AGPAT4: variants seen among roughly 807,000 people sequenced by gnomAD.
The protein encoded by AGPAT4 is 1-acyl-sn-glycerol-3-phosphate acyltransferase delta.
A neutral mutation model predicts 48.0 loss-of-function variants in AGPAT4; 15 were observed. The observed-to-expected ratio is 0.31, with a 90% confidence interval of 0.21 to 0.48. The LOEUF is 0.48. AGPAT4 is among the 20% of genes least tolerant of loss of function. AGPAT4 has a pLI of 0.99. For synonymous variants in AGPAT4, 178 were observed against 198.7 expected, an observed-to-expected ratio of 0.90 and a Z score of 0.88; for missense variants, 314 against 482.5, an observed-to-expected ratio of 0.65 and a Z score of 3.27.
At chr6:161,248,149 G>A (rs1435756876) in intron 1 of AGPAT4, among the ~76,000 whole-genome samples, 1 of 152,036 alleles carries the variant, frequency 6.6e-6, no homozygotes, top group Non-Finnish European at 1.5e-5. Context: ...TCCTCAAGCT[G>A]ATAAACAACT....
chr6:161,148,141 G>T lies in AGPAT4; in HGVS notation c.767+1046C>A, dbSNP rs976882638. ...GCTCCTGCCAGCTGTCAGAGAACAT[G>T]GGGAATAAAACCTCACTTTACTCCT... On this transcript the variant is annotated intron_variant, in intron 6 of 8. Coordinates refer to ENST00000320285, the MANE Select transcript of AGPAT4 (RefSeq NM_020133.3). This position sits in a 1 kb window ranked among gnomAD's most constrained non-coding sequence, Gnocchi z 5.5. 6.6e-6 allele frequency among the ~76,000 whole-genome samples: 1 copy of T among 152,152 alleles called. No individual in the cohort carries two copies. The highest frequency in any genetic ancestry group is 2.4e-5 in the African/African-American group (1 of 41,418).
At position 161,130,701 on chromosome 6, in the gene AGPAT4, G is replaced by A; in HGVS notation, c.*5839C>T. 1 of 354,266 alleles carries A rather than the reference G, an allele frequency of 2.8e-6. No individual in the cohort carries two copies. Among genetic ancestry groups the A allele is most frequent in the African/African-American group, 2.1e-5 (1 of 48,170 alleles). The allele number at this position is 354,266 out of a possible 1,614,324, so 21.9% of individuals were successfully genotyped here. ...TGTTGACTGTGGGCGGCCTGGGCCA[G>A]CCTTGCTGTGTTTGCCTCAGATGCG... On this transcript the variant is annotated 3_prime_UTR_variant, in exon 9 of 9. Coordinates refer to ENST00000320285, the MANE Select transcript of AGPAT4 (RefSeq NM_020133.3).
intron 1 of AGPAT4, among the ~76,000 whole-genome samples, chr6:161,271,708 T>A (rs1277901566): frequency 1.3e-5 from 2 of 152,256 alleles, no homozygotes; most frequent in Non-Finnish European, 2.9e-5. Context: ...GTTGTTTTTG[T>A]TTTGGCTGTG....
At position 161,159,082 on chromosome 6, in the gene AGPAT4, A is replaced by G. The variant is rs1025197368; in HGVS notation, c.349-4772T>C. On this transcript the variant is annotated intron_variant, in intron 3 of 8. Transcript: ENST00000320285. This position sits in a 1 kb window ranked among gnomAD's most constrained non-coding sequence, Gnocchi z 4.1. ...ATGTTCCTTAACAATAAAGCAGGCTAAACAGCCTGCCTTTGAGTCCTTTGA... is the reference window on the plus strand; with the variant it reads ...ATGTTCCTTAACAATAAAGCAGGCTGAACAGCCTGCCTTTGAGTCCTTTGA... Among the ~76,000 whole-genome samples the G allele has an allele frequency of 3.9e-4, 60 of 152,348 alleles. No homozygotes were observed. Among genetic ancestry groups the G allele is most frequent in the African/African-American group, 1.4e-3 (60 of 41,580 alleles).
intron 2 of AGPAT4, among the ~76,000 whole-genome samples, chr6:161,194,233 T>C (rs529425883): frequency 6.6e-6 from 1 of 152,354 alleles, no homozygotes; most frequent in Non-Finnish European, 1.5e-5. Context: ...GTTAATCAGA[T>C]ATATTAAAAT....
intron 2 of AGPAT4, among the ~76,000 whole-genome samples, chr6:161,173,404 G>T (rs1780336971): frequency 6.6e-6 from 1 of 152,294 alleles, no homozygotes; most frequent in Admixed American, 6.5e-5. Context: ...GTGATGATGA[G>T]CATTTTTTCA....
At chr6:161,211,875 G>A (rs1294952196) in intron 2 of AGPAT4, among the ~76,000 whole-genome samples, 2 of 152,078 alleles carry the variant, frequency 1.3e-5, no homozygotes, top group Non-Finnish European at 2.9e-5. Flanking sequence ...TGTAGAAGAT[G>A]CCAATCAAAA....
At position 161,272,733 on chromosome 6, in the gene AGPAT4, A is replaced by ACACACACACACAC. The variant is rs1783465451; in HGVS notation, c.-90+1204_-90+1205insGTGTGTGTGTGTG. On this transcript the variant is annotated intron_variant, in intron 1 of 8. Coordinates refer to ENST00000320285, the MANE Select transcript of AGPAT4 (RefSeq NM_020133.3). This position sits in a 1 kb window ranked among gnomAD's most constrained non-coding sequence, Gnocchi z 4.2. ...ACACACACACACACACACACACACA[A>ACACACACACACAC]ACACACACATTCTCCCTTCTCTCAA... Among the ~76,000 whole-genome samples the ACACACACACACAC allele has an allele frequency of 8.5e-6, 1 of 116,996 alleles. No homozygotes were observed. Among genetic ancestry groups the ACACACACACACAC allele is most frequent in the African/African-American group, 4.2e-5 (1 of 24,032 alleles). 76.8% of individuals were successfully genotyped at this position (116,996 alleles called of 152,430 possible).
intron 2 of AGPAT4, among the ~76,000 whole-genome samples, chr6:161,191,242 A>C (rs1780916253): frequency 6.6e-6 from 1 of 152,222 alleles, no homozygotes; most frequent in Non-Finnish European, 1.5e-5. Context: ...CAGGATCACA[A>C]AGCCAGCAGA....
intron 2 of AGPAT4, among the ~76,000 whole-genome samples, chr6:161,174,705 G>A (rs1780380077): frequency 6.6e-6 from 1 of 152,158 alleles, no homozygotes; most frequent in Admixed American, 6.5e-5. Flanking sequence ...TGGTGAGAGA[G>A]GGCATCCCTG....
At position 161,166,403 on chromosome 6, in the gene AGPAT4, G is replaced by A; in HGVS notation, c.193C>T (p.Leu65=). The A allele has an allele frequency of 6.2e-7, 1 of 1,608,856 alleles. No individual in the cohort carries two copies. ...YCISSQLVML[L]EWWSGTECTI... is the part of the protein sequence containing the mutation. Reference sequence around the variant, plus strand: ...CATTCCGTGCCCGACCACCACTCCAGCAGCATCACCAGCTCTGGAACAAAC... The same window carrying A: ...CATTCCGTGCCCGACCACCACTCCAACAGCATCACCAGCTCTGGAACAAAC... Residue 65 remains leucine (L), a synonymous_variant, in exon 3 of 9, where the codon CTG becomes TTG. Transcript: ENST00000320285. The surrounding 1 kb of genome is among the most constrained non-coding windows in gnomAD (Gnocchi z 6.7).
chr6:161,139,548 A>G lies in AGPAT4; in HGVS notation c.916T>C (p.Trp306Arg), dbSNP rs1294856527. The change falls in exon 8 of 9, where the codon TGG becomes CGG. Residue 306 changes from tryptophan (W) to arginine (R), a missense_variant. Trp to Arg is a moderately radical substitution (Grantham distance 101). Transcript: ENST00000320285. The surrounding 1 kb of genome is among the most constrained non-coding windows in gnomAD (Gnocchi z 9.1). The part of the protein sequence containing the change: ...ETPMVPPRRP[W>R]TLVNWLFWAS... ...CAAAACAGCCAGTTCACGAGGGTCCAGGGCCGCCGGGGGGGCACCATGGGC... is the reference window on the plus strand; with the variant it reads ...CAAAACAGCCAGTTCACGAGGGTCCGGGGCCGCCGGGGGGGCACCATGGGC... 1.2e-6 allele frequency: 2 copies of G among 1,614,046 alleles called. No homozygotes were observed. Among genetic ancestry groups the G allele is most frequent in the Admixed American group, 3.3e-5 (2 of 60,028 alleles).
In AGPAT4 at chr6:161,233,710, T is replaced by C. The variant is rs753415281; in HGVS notation, c.-89-1408A>G. ...TAGGCTAACGTAAATGTGCTGAACA[T>C]GTTTAAGGCAGGCGAGGCTAAACGA... On this transcript the variant is annotated intron_variant, in intron 1 of 8. Coordinates refer to ENST00000320285, the MANE Select transcript of AGPAT4 (RefSeq NM_020133.3). The surrounding 1 kb of genome is among the most constrained non-coding windows in gnomAD (Gnocchi z 5.4). Among the ~76,000 whole-genome samples, 7 of 152,244 alleles carry C rather than the reference T, an allele frequency of 4.6e-5. No homozygotes were observed. Among genetic ancestry groups the C allele is most frequent in the East Asian group, 1.9e-4 (1 of 5,200 alleles).
rs558044741 is a variant in AGPAT4, at chr6:161,226,370, G to A, written c.178+5666C>T. 2.6e-5 allele frequency among the ~76,000 whole-genome samples: 4 copies of A among 152,226 alleles called. No homozygotes were observed. The highest frequency in any genetic ancestry group is 5.9e-5 in the Non-Finnish European group (4 of 68,042). ...AAGCAGCCCTGTCATTAATCAGGCA[G>A]GGAGGAGAAGCATAGAGGAAGCCGG... On this transcript the variant is annotated intron_variant, in intron 2 of 8. Transcript: ENST00000320285. The surrounding 1 kb of genome is among the most constrained non-coding windows in gnomAD (Gnocchi z 6.3).
At chr6:161,199,981 C>G (rs1210064344) in intron 2 of AGPAT4, among the ~76,000 whole-genome samples, 1 of 152,172 alleles carries the variant, frequency 6.6e-6, no homozygotes, top group East Asian at 1.9e-4. Flanking sequence ...ACGGCTTGTT[C>G]CTTAAAAGGC....
intron 1 of AGPAT4, among the ~76,000 whole-genome samples, chr6:161,253,300 G>C (rs1404160589): frequency 6.7e-6 from 1 of 149,554 alleles, no homozygotes; most frequent in Non-Finnish European, 1.5e-5. Context: ...TGTTGCCCAG[G>C]CTGGAGTGCA....
Position 161,249,834 on chromosome 6 carries a change from G to A in AGPAT4, c.-89-17532C>T, listed in dbSNP as rs1458459179. Among the ~76,000 whole-genome samples the A allele has an allele frequency of 3.9e-5, 6 of 152,096 alleles. No individual in the cohort carries two copies. The East Asian group carries it at 5.8e-4, about 15-fold the overall frequency. The stretch of plus-strand genomic sequence containing the variant: ...TTATACACCCAAAGGAATATAAATC[G>A]TTCTATCATAAAGACACATGCACGC... On this transcript the variant is annotated intron_variant, in intron 1 of 8. Coordinates refer to ENST00000320285, the MANE Select transcript of AGPAT4 (RefSeq NM_020133.3). This position sits in a 1 kb window ranked among gnomAD's most constrained non-coding sequence, Gnocchi z 6.2.
Position 161,232,784 on chromosome 6 carries a change from C to A in AGPAT4, c.-89-482G>T, listed in dbSNP as rs1409926903. ...CTCCTCCTCCAGATCCCTGCTCACC[C>A]CTCGCTTCCAGCAGGACTGCCCTAA... On this transcript the variant is annotated intron_variant, in intron 1 of 8. Coordinates refer to ENST00000320285, the MANE Select transcript of AGPAT4 (RefSeq NM_020133.3). This position sits in a 1 kb window ranked among gnomAD's most constrained non-coding sequence, Gnocchi z 6.8. Among the ~76,000 whole-genome samples, 1 of 152,140 alleles carries A rather than the reference C, an allele frequency of 6.6e-6. No homozygotes were observed. Among genetic ancestry groups the A allele is most frequent in the African/African-American group, 2.4e-5 (1 of 41,430 alleles).
intron 3 of AGPAT4, chr6:161,160,922 T>TCGC (rs1268683205): frequency 6.8e-6 from 3 of 441,152 alleles, no homozygotes; most frequent in Non-Finnish European, 1.4e-5. Context: ...GCGATTGGCC[T>TCGC]CGCCCAGCAC....
Sources: gnomAD v4.1 joint callset for allele counts (sites outside exome capture counted in the v4.1 genomes callset) on GRCh38, gnomAD v4.1.1 for gene constraint, Gnocchi (gnomAD v3.1) non-coding constraint, MANE v1.5 for transcripts, NCBI Gene and HGNC (gene_info 2026-07-23, HGNC 2026-07-21) for gene names.